Variants in VPS13C observed in about 807,000 individuals in gnomAD.
The protein encoded by VPS13C is intermembrane lipid transfer protein VPS13C.
A neutral mutation model predicts 456.8 loss-of-function variants in VPS13C; 358 were observed. The observed-to-expected ratio is 0.78, with a 90% CI of 0.72 to 0.86. The LOEUF (loss-of-function observed/expected upper bound fraction) is 0.86, where lower values mean the gene tolerates loss of function less well. Among genes scored for constraint, VPS13C ranks in the 40% least tolerant of loss-of-function variants. The pLI is 0.00. For synonymous variants in VPS13C, 1,578 were observed against 1,486.7 expected (o/e 1.06, Z -1.41); for missense variants, 4,818 against 4,385.4 (o/e 1.10, Z -2.79).
rs779967433 is a variant in VPS13C at position 61,921,974 on chromosome 15, C to T, written c.7035G>A (p.Gly2345=). 5.0e-6 allele frequency: 8 copies of T among 1,613,332 alleles called. No homozygotes were observed. The highest frequency in any genetic ancestry group is 6.8e-6 in the Non-Finnish European group (8 of 1,179,592). ...CAAGCCTTAAATTCCATTGTCTCTT[C>T]CCCTCCACTCTCTCAATCAGTGGCT... ...VWEPLIERVE[G]KRQWNLRLDV... Residue 2345 remains glycine, a synonymous_variant, in exon 55 of 85, where the codon GGG becomes GGA. Transcript: ENST00000644861.
At position 61,934,134 on chromosome 15, in the gene VPS13C, G is replaced by A. The variant is rs572015723; in HGVS notation, c.5868+85C>T. Reference sequence around the variant, plus strand: ...GACATATTAAATGTTTTAATGAAAAGTCCCACACAAAAAAAAGCCAACACT... The same window carrying A: ...GACATATTAAATGTTTTAATGAAAAATCCCACACAAAAAAAAGCCAACACT... On this transcript the variant is annotated intron_variant, in intron 49 of 84. Transcript: ENST00000644861. The A allele has an allele frequency of 6.1e-5, 48 of 791,298 alleles. No individual in the cohort carries two copies. The East Asian group carries it at 1.3e-3, about 21-fold the overall frequency. The allele number at this position is 791,298 out of a possible 1,614,324, so 49.0% of individuals were successfully genotyped here. A position where few individuals can be genotyped will look rare whatever the true frequency, so the allele number is the denominator to read the frequency against.
At chr15:61,972,468 G>C (rs1001964085) in intron 27 of VPS13C, among the ~76,000 whole-genome samples, 157 bp downstream of exon 27, 3 of 152,108 alleles carry the variant, frequency 2.0e-5, no homozygotes, top group Non-Finnish European at 2.9e-5. Context: ...GAGAGAGAAA[G>C]AGTGTGTGTG....
At position 61,939,707 on chromosome 15, in the gene VPS13C, G is replaced by A. The variant is rs1283421471; in HGVS notation, c.5601+940C>T. ...TTCTAGCTACATTATTAAAAATAAC[G>A]CTGTGGCCGGAGCACGGTGGCTCAC... On this transcript the variant is annotated intron_variant, in intron 47 of 84. Transcript: ENST00000644861. Among the ~76,000 whole-genome samples, 3 of 152,092 alleles carry A rather than the reference G, an allele frequency of 2.0e-5. No individual in the cohort carries two copies. The East Asian group carries it at 5.8e-4, about 29-fold the overall frequency.
intron 77 of VPS13C, among the ~76,000 whole-genome samples, chr15:61,874,590 CA>C (rs1010749892): frequency 6.6e-6 from 1 of 151,758 alleles, no homozygotes; most frequent in Non-Finnish European, 1.5e-5. Flanking sequence ...CTGTCTCATA[CA>C]AAAAATGCAG....
chr15:62,005,984 G>C (rs1487574082), intron 15 of VPS13C, among the ~76,000 whole-genome samples: 1 of 151,946 alleles, frequency 6.6e-6, no homozygotes, highest in Non-Finnish European at 1.5e-5. Flanking sequence ...GATTATAGGT[G>C]TGAGCCACCA....
intron 20 of VPS13C, among the ~76,000 whole-genome samples, chr15:61,983,257 G>A (rs193067565): frequency 0.01 from 1,523 of 152,212 alleles, 18 homozygotes; most frequent in Middle Eastern, 0.048. Flanking sequence ...AAGGTGGGGC[G>A]AACCTACAAG....
rs1566966780 is a variant in VPS13C at position 61,882,579 on chromosome 15, G to GAGA, written c.9624+14_9624+16dup. The GAGA allele has an allele frequency of 6.7e-7, 1 of 1,498,374 alleles. No homozygotes were observed. Among genetic ancestry groups the GAGA allele is most frequent in the East Asian group, 2.4e-5 (1 of 41,560 alleles). 92.8% of individuals were successfully genotyped at this position (1,498,374 alleles called of 1,614,324 possible). ...CCAAAGTGATGATAAATACTTATTT[G>GAGA]AGAATGACAATGTTACCTGAAGCCA... is the stretch of plus-strand genomic sequence containing the variant. On this transcript the variant is annotated intron_variant, in intron 69 of 84. Transcript: ENST00000644861.
chr15:61,957,515 G>A (rs184320429), intron 37 of VPS13C, among the ~76,000 whole-genome samples: 2 of 151,970 alleles, frequency 1.3e-5, no homozygotes, highest in African/African-American at 4.8e-5. Context: ...TTTTCACTTA[G>A]CACATGGTCC....
In VPS13C at chr15:62,013,019, C is replaced by T. The variant is rs1196021286; in HGVS notation, c.825+20G>A. 4 of 1,594,946 alleles carry T rather than the reference C, an allele frequency of 2.5e-6. No individual in the cohort carries two copies. Among genetic ancestry groups the T allele is most frequent in the Non-Finnish European group, 3.4e-6 (4 of 1,168,336 alleles). ...GGGATGGGAGTGAAGTTAGCTCTTC[C>T]AAGTATACATTAATATTACCAAAAT... is the stretch of plus-strand genomic sequence containing the variant. On this transcript the variant is annotated intron_variant, in intron 11 of 84. Transcript: ENST00000644861.
At chr15:61,886,669 G>T (rs1240942752) in intron 67 of VPS13C, among the ~76,000 whole-genome samples, 1 of 152,060 alleles carries the variant, frequency 6.6e-6, no homozygotes, top group South Asian at 2.1e-4. Flanking sequence ...AACAGGCATT[G>T]GGTTAGATTT....
At chr15:62,054,362 G>C (rs1230869444) in intron 1 of VPS13C, among the ~76,000 whole-genome samples, 1 of 151,998 alleles carries the variant, frequency 6.6e-6, no homozygotes, top group Admixed American at 6.5e-5. Flanking sequence ...TAAATTCAAA[G>C]GCAAATAGAG....
intron 3 of VPS13C, among the ~76,000 whole-genome samples, chr15:62,037,668 C>T (rs927030036): frequency 1.3e-5 from 2 of 148,600 alleles, no homozygotes; most frequent in African/African-American, 2.5e-5. Context: ...ATAGCACTTG[C>T]ATAGTCTTGT....
At chr15:61,919,517 T>C in intron 57 of VPS13C, 68 bp from the exon 58 acceptor site, 3 of 1,367,426 alleles carry the variant, frequency 2.2e-6, no homozygotes, top group Non-Finnish European at 2.9e-6. Context: ...TAACAATCAT[T>C]AGTACCTCAA....
chr15:61,921,216 A>G (rs2043643523), intron 55 of VPS13C, among the ~76,000 whole-genome samples: 1 of 152,086 alleles, frequency 6.6e-6, no homozygotes, highest in Non-Finnish European at 1.5e-5. Flanking sequence ...TTCTTTATTG[A>G]GAGGAAATTG....
At chr15:62,002,463 G>C (rs1462977637) in intron 15 of VPS13C, among the ~76,000 whole-genome samples, 3 of 152,190 alleles carry the variant, frequency 2.0e-5, no homozygotes, top group East Asian at 3.9e-4. Flanking sequence ...CTCCCATTTT[G>C]TAGGTTGCCT....
At position 61,929,723 on chromosome 15, in the gene VPS13C, C is replaced by T; in HGVS notation, c.6064G>A (p.Asp2022Asn). The T allele has an allele frequency of 1.9e-6, 3 of 1,612,136 alleles. No individual in the cohort carries two copies. The highest frequency in any genetic ancestry group is 2.5e-6 in the Non-Finnish European group (3 of 1,178,760). ...SRMIDRKNDQDNNSSMIDISY... is the reference protein window; with the variant it reads ...SRMIDRKNDQNNNSSMIDISY... ...ATATCAATCATAGAACTGTTGTTAT[C>T]TTGGTCATTCTTTCTGTCAATCATT... The change falls in exon 51 of 85, where the codon GAT (aspartate) becomes AAT (asparagine). Residue 2022 changes from aspartate (D) to asparagine (N), a missense_variant. Transcript: ENST00000644861.
intron 8 of VPS13C, among the ~76,000 whole-genome samples, chr15:62,021,917 T>C (rs891897075): frequency 3.3e-5 from 5 of 151,924 alleles, no homozygotes; most frequent in Admixed American, 6.6e-5. Flanking sequence ...TGAGCATCTT[T>C]ATGATAAATT....
chr15:61,944,678 T>A (rs1000685238), intron 45 of VPS13C, among the ~76,000 whole-genome samples: 1 of 152,136 alleles, frequency 6.6e-6, no homozygotes, highest in African/African-American at 2.4e-5. Flanking sequence ...CTATTCTCAG[T>A]ACTTGGGTGA....
chr15:62,019,155 T>C (rs1048154823), intron 9 of VPS13C, among the ~76,000 whole-genome samples: 7 of 152,190 alleles, frequency 4.6e-5, no homozygotes, highest in South Asian at 2.1e-4. Context: ...TATTTTTTAT[T>C]GCGTCTATCT....
Sources: gnomAD v4.1 joint callset for allele counts (sites outside exome capture counted in the v4.1 genomes callset) on GRCh38, gnomAD v4.1.1 for gene constraint, MANE v1.5 for transcripts, NCBI Gene and HGNC (gene_info 2026-07-23, HGNC 2026-07-21) for gene names.